CELF1: variants seen among roughly 807,000 people sequenced by gnomAD.
The protein encoded by CELF1 is CUGBP Elav-like family member 1.
A neutral mutation model predicts 61.8 loss-of-function variants in CELF1; 10 were observed. The observed-to-expected ratio is 0.16, with a 90% CI of 0.10 to 0.27. The LOEUF (loss-of-function observed/expected upper bound fraction) is 0.27, where lower values mean the gene tolerates loss of function less well. Among genes scored for constraint, CELF1 ranks in the 10% least tolerant of loss-of-function variants. CELF1 has a pLI of 1.00. For missense variants in CELF1, 380 were observed against 639.1 expected (o/e 0.59, Z 4.37); for synonymous variants, 236 against 225.1 (o/e 1.05, Z -0.43).
At chr11:47,497,632 G>C (rs2093353870) in intron 3 of CELF1, among the ~76,000 whole-genome samples, 1 of 152,148 alleles carries the variant, frequency 6.6e-6, no homozygotes, top group Non-Finnish European at 1.5e-5. Context: ...AAAAAATGTT[G>C]ACAATCCATT....
chr11:47,506,472 A>G (rs903543067), intron 1 of CELF1, among the ~76,000 whole-genome samples: 9 of 152,140 alleles, frequency 5.9e-5, no homozygotes, highest in Non-Finnish European at 8.8e-5. Context: ...AAAGTTGATA[A>G]ATTTGTGTTA....
chr11:47,544,430 G>C (rs1325812917), intron 1 of CELF1, among the ~76,000 whole-genome samples: 1 of 152,110 alleles, frequency 6.6e-6, no homozygotes, highest in African/African-American at 2.4e-5. Context: ...CAGGAAAACA[G>C]GGCCAGAAAT....
At chr11:47,484,821 G>C (rs555289251) in intron 6 of CELF1, among the ~76,000 whole-genome samples, 24 of 152,308 alleles carry the variant, frequency 1.6e-4, no homozygotes, top group Admixed American at 1.3e-3. Flanking sequence ...TGGGATTACA[G>C]GCATGCGCCA....
intron 3 of CELF1, among the ~76,000 whole-genome samples, chr11:47,490,536 C>T (rs1411130625): frequency 1.3e-5 from 2 of 151,404 alleles, no homozygotes; most frequent in Non-Finnish European, 2.9e-5. Context: ...AAGCAATTCT[C>T]CTGCCTCAGC....
At chr11:47,485,709 G>A (rs1050937818) in intron 6 of CELF1, among the ~76,000 whole-genome samples, 8 of 151,512 alleles carry the variant, frequency 5.3e-5, no homozygotes, top group African/African-American at 9.7e-5. Flanking sequence ...AGCCTCCTGA[G>A]TAGCTGGGAT....
intron 9 of CELF1, among the ~76,000 whole-genome samples, chr11:47,481,952 C>G (rs1041461487): frequency 1.3e-5 from 2 of 152,318 alleles, no homozygotes; most frequent in South Asian, 4.1e-4. Flanking sequence ...CCTGTAAACC[C>G]AGCACTTTGG....
intron 6 of CELF1, among the ~76,000 whole-genome samples, chr11:47,486,254 T>A (rs190147496): frequency 6.0e-4 from 91 of 151,906 alleles, no homozygotes; most frequent in African/African-American, 2.1e-3. Flanking sequence ...ACTGACCAAG[T>A]ATATTCCAGT....
chr11:47,555,076 C>A (rs191022310), upstream of CELF1, among the ~76,000 whole-genome samples: 40 of 152,296 alleles, frequency 2.6e-4, no homozygotes, highest in African/African-American at 9.1e-4. Flanking sequence ...TATTTCACTG[C>A]TCTATCCTCA....
chr11:47,538,809 C>G (rs1264899807), intron 1 of CELF1, among the ~76,000 whole-genome samples: 1 of 152,130 alleles, frequency 6.6e-6, no homozygotes, highest in African/African-American at 2.4e-5. Flanking sequence ...AAGCGCTAAA[C>G]TGTCTTTCTC....
intron 1 of CELF1, among the ~76,000 whole-genome samples, chr11:47,517,260 G>GAAAAAAAAAAAA (rs57071560): frequency 5.2e-5 from 4 of 77,024 alleles, no homozygotes; most frequent in East Asian, 2.9e-4. Context: ...AACAAACAGA[G>GAAAAAAAAAAAA]AAAAAAAAAA....
At chr11:47,482,892 C>T in intron 8 of CELF1, 36 bp from the exon 9 acceptor site, 1 of 1,581,724 alleles carries the variant, frequency 6.3e-7, no homozygotes, top group Non-Finnish European at 8.6e-7. Context: ...TCAAATTCCT[C>T]CATCTGAAAA....
intron 1 of CELF1, among the ~76,000 whole-genome samples, chr11:47,551,735 G>A (rs1345824696): frequency 6.6e-6 from 1 of 152,164 alleles, no homozygotes; most frequent in Non-Finnish European, 1.5e-5. Context: ...AGTTCCGGGC[G>A]GGGGCGGTGG....
intron 1 of CELF1, among the ~76,000 whole-genome samples, chr11:47,545,773 T>C (rs1002806270): frequency 6.6e-6 from 1 of 151,986 alleles, no homozygotes; most frequent in African/African-American, 2.4e-5. Flanking sequence ...TCAAGCAATC[T>C]GCCCGCCTCA....
At chr11:47,526,803 G>A (rs2096259556) in intron 1 of CELF1, among the ~76,000 whole-genome samples, 1 of 152,156 alleles carries the variant, frequency 6.6e-6, no homozygotes, top group South Asian at 2.1e-4. Context: ...GGCAGTGGTG[G>A]CTCGTGCCTG....
At chr11:47,491,489 G>A (rs1331414755) in intron 3 of CELF1, among the ~76,000 whole-genome samples, 1 of 152,112 alleles carries the variant, frequency 6.6e-6, no homozygotes, top group African/African-American at 2.4e-5. Flanking sequence ...CACTTACAGG[G>A]GTTATTCTCA....
chr11:47,534,398 C>T (rs1360610321), intron 1 of CELF1, among the ~76,000 whole-genome samples: 1 of 151,100 alleles, frequency 6.6e-6, no homozygotes, highest in African/African-American at 2.4e-5. Flanking sequence ...CTTCTCTACA[C>T]AATTATGTTA....
intron 1 of CELF1, among the ~76,000 whole-genome samples, chr11:47,530,152 T>C (rs1039150247): frequency 6.6e-6 from 1 of 152,162 alleles, no homozygotes; most frequent in Non-Finnish European, 1.5e-5. Context: ...AAATGTGACA[T>C]ATGTGCAATG....
intron 1 of CELF1, among the ~76,000 whole-genome samples, chr11:47,514,686 T>G (rs2095448673): frequency 9.6e-6 from 1 of 103,678 alleles, no homozygotes; most frequent in Admixed American, 1.2e-4. Context: ...CAAGACCCTA[T>G]CTCTACAAAA....
rs571851172 is a variant in CELF1 at position 47,504,557 on chromosome 11, C to T, written c.-153-3625G>A. Among the ~76,000 whole-genome samples, 170 of 141,706 alleles carry T rather than the reference C, an allele frequency of 1.2e-3. 1 individual carries two copies. Among genetic ancestry groups the T allele is most frequent in the Middle Eastern group, 3.9e-3 (1 of 258 alleles). The allele number at this position is 141,706 out of a possible 152,430, so 93.0% of individuals were successfully genotyped here. ...TCGCACCACTACACTCCAGCATGGGCAACAGCGTGAGACCCTGCCTTACAA... is the reference window on the plus strand; with the variant it reads ...TCGCACCACTACACTCCAGCATGGGTAACAGCGTGAGACCCTGCCTTACAA... On this transcript the variant is annotated intron_variant, in intron 1 of 14. Transcript: ENST00000687097.
Sources: allele counts gnomAD v4.1 joint callset (sites outside exome capture counted in the v4.1 genomes callset), GRCh38; gene constraint gnomAD v4.1.1; transcripts MANE v1.5; gene names NCBI Gene and HGNC (gene_info 2026-07-23, HGNC 2026-07-21).